MYO5A: variants seen among roughly 807,000 people sequenced by gnomAD.
MYO5A encodes unconventional myosin-Va.
In MYO5A, 98 loss-of-function variants were observed where a neutral mutation model predicts 249.7. The observed-to-expected ratio is 0.39, with a 90% CI of 0.33 to 0.46. MYO5A has a LOEUF of 0.46. Ranked by LOEUF, MYO5A falls within the 20% of genes least tolerant of loss-of-function variation. The probability of loss-of-function intolerance (pLI) is 0.98; values close to 1 mark genes in which losing one functional copy is unlikely to be tolerated. For missense variants in MYO5A, 1,696 were observed against 2,308.8 expected, an observed-to-expected ratio of 0.73 and a Z score of 5.44; for synonymous variants, 778 against 810.6, an observed-to-expected ratio of 0.96 and a Z score of 0.68.
At chr15:52,339,975 C>T (rs1048375565) in intron 32 of MYO5A, among the ~76,000 whole-genome samples, 6 of 152,186 alleles carry the variant, frequency 3.9e-5, no homozygotes, top group African/African-American at 1.4e-4. Flanking sequence ...CAGGGCAGGT[C>T]TAAGAGCACG....
chr15:52,370,530 T>C (rs559235180), intron 21 of MYO5A, 113 bp from the exon 22 acceptor site: 199 of 1,188,802 alleles, frequency 1.7e-4, no homozygotes, highest in Non-Finnish European at 2.2e-4. Flanking sequence ...AACATTGATA[T>C]AGTATCCAAC....
At chr15:52,401,746 T>C (rs1380860504) in intron 9 of MYO5A, among the ~76,000 whole-genome samples, 1 of 152,242 alleles carries the variant, frequency 6.6e-6, no homozygotes, top group Non-Finnish European at 1.5e-5. Context: ...TTATGTCTGC[T>C]TCATTCTCTC....
At chr15:52,470,743 C>T (rs1049475934) in intron 1 of MYO5A, among the ~76,000 whole-genome samples, 1 of 152,032 alleles carries the variant, frequency 6.6e-6, no homozygotes, top group Non-Finnish European at 1.5e-5. Flanking sequence ...GGGTTCTTGG[C>T]CGGGCACAGT....
intron 1 of MYO5A, among the ~76,000 whole-genome samples, chr15:52,507,007 C>A (rs1486727473): frequency 2.0e-5 from 3 of 152,198 alleles, no homozygotes; most frequent in Admixed American, 6.5e-5. Context: ...ACAAATGTTT[C>A]TATTCCTTTT....
intron 5 of MYO5A, 91 bp from the exon 6 acceptor site, chr15:52,410,567 G>A: frequency 8.7e-7 from 1 of 1,152,660 alleles, no homozygotes. Context: ...AGATGGAGTA[G>A]AACACAGGTC....
intron 22 of MYO5A, 149 bp from the exon 23 acceptor site, chr15:52,367,273 TG>T: frequency 1.4e-6 from 1 of 731,426 alleles, no homozygotes; most frequent in Non-Finnish European, 2.4e-6. Context: ...CTTACAAACT[TG>T]CTCAAGCATT....
chr15:52,367,184 A>G, intron 22 of MYO5A, 60 bp from the exon 23 acceptor site: 1 of 1,416,732 alleles, frequency 7.1e-7, no homozygotes, highest in Non-Finnish European at 9.9e-7. Context: ...CTGATGACCA[A>G]GGATAAAGAC....
intron 1 of MYO5A, among the ~76,000 whole-genome samples, chr15:52,480,794 G>A (rs1327532409): frequency 6.6e-6 from 1 of 152,184 alleles, no homozygotes; most frequent in Non-Finnish European, 1.5e-5. Flanking sequence ...CCTTAGCCAT[G>A]CCTCCAGCAC....
chr15:52,343,443 C>T (rs910077733), intron 30 of MYO5A, among the ~76,000 whole-genome samples: 6 of 152,078 alleles, frequency 3.9e-5, no homozygotes, highest in African/African-American at 1.4e-4. Flanking sequence ...AGCTACTTTA[C>T]CTGCAAAATA....
rs1567006126 is a variant in MYO5A, at chr15:52,310,042, T to C, written c.*3654A>G. ...GTAGCTGTAACCTTAGTAAAAGATT[T>C]GATCTATATTACACATAATTACTCA... On this transcript the variant is annotated 3_prime_UTR_variant, in exon 42 of 42. Transcript: ENST00000399233. The C allele has an allele frequency of 6.6e-6, 1 of 152,200 alleles. No individual in the cohort carries two copies. Among genetic ancestry groups the C allele is most frequent in the African/African-American group, 2.4e-5 (1 of 41,442 alleles). 9.4% of individuals were successfully genotyped at this position (152,200 alleles called of 1,614,324 possible).
At chr15:52,462,686 A>C (rs1489510524) in intron 1 of MYO5A, among the ~76,000 whole-genome samples, 8 of 151,910 alleles carry the variant, frequency 5.3e-5, no homozygotes, top group African/African-American at 1.9e-4. Flanking sequence ...CATCTCTACT[A>C]AAAATACAAA....
intron 1 of MYO5A, among the ~76,000 whole-genome samples, chr15:52,494,052 C>T (rs1456855380): frequency 6.6e-6 from 1 of 152,142 alleles, no homozygotes; most frequent in African/African-American, 2.4e-5. Context: ...TCTGAGATGT[C>T]GACCTGTAAT....
At chr15:52,371,878 GTAATAATAATAATAATAATAA>G (rs36207943) in intron 21 of MYO5A, among the ~76,000 whole-genome samples, 10 of 143,118 alleles carry the variant, frequency 7.0e-5, no homozygotes, top group African/African-American at 1.8e-4. Flanking sequence ...TCAAATAATA[GTAATAATAATAATAATAATAA>G]TAATAATAAT....
intron 1 of MYO5A, among the ~76,000 whole-genome samples, chr15:52,451,178 T>C (rs1038715917): frequency 3.9e-5 from 6 of 152,160 alleles, no homozygotes; most frequent in African/African-American, 1.4e-4. Flanking sequence ...CATTCCCATC[T>C]CAGACAGGCA....
At chr15:52,333,294 C>T (rs1409642323) in intron 34 of MYO5A, among the ~76,000 whole-genome samples, 4 of 152,160 alleles carry the variant, frequency 2.6e-5, no homozygotes, top group Non-Finnish European at 5.9e-5. Context: ...CTTGAGGGAA[C>T]CTTTCTGTCT....
At chr15:52,382,439 T>C (rs2041794325) in intron 16 of MYO5A, among the ~76,000 whole-genome samples, 1 of 151,852 alleles carries the variant, frequency 6.6e-6, no homozygotes, top group African/African-American at 2.4e-5. Context: ...GGCATGATGG[T>C]GCATGCCTGT....
chr15:52,452,058 G>C (rs1464966), intron 1 of MYO5A, among the ~76,000 whole-genome samples: 22,752 of 152,080 alleles, frequency 0.15, 1,811 homozygotes, highest in Middle Eastern at 0.22. Flanking sequence ...GTGTATGTCA[G>C]AATTGAGTAA....
At chr15:52,447,400 C>T (rs972637736) in intron 1 of MYO5A, among the ~76,000 whole-genome samples, 6 of 152,164 alleles carry the variant, frequency 3.9e-5, no homozygotes, top group African/African-American at 1.4e-4. Context: ...GTACATCCTG[C>T]AGAACCATGA....
chr15:52,324,805 A>C (rs1313173661), intron 36 of MYO5A, among the ~76,000 whole-genome samples: 1 of 152,160 alleles, frequency 6.6e-6, no homozygotes, highest in Non-Finnish European at 1.5e-5. Context: ...AATTTTGTAG[A>C]ATATTCCCCT....
Sources: allele counts gnomAD v4.1 joint callset (sites outside exome capture counted in the v4.1 genomes callset), GRCh38; gene constraint gnomAD v4.1.1; transcripts MANE v1.5; gene names NCBI Gene and HGNC (gene_info 2026-07-23, HGNC 2026-07-21).